TRIM71: variants seen among roughly 807,000 people sequenced by gnomAD.
The protein encoded by TRIM71 is E3 ubiquitin-protein ligase TRIM71.
A neutral mutation model predicts 61.2 loss-of-function variants in TRIM71; 9 were observed. The ratio of observed to expected loss-of-function variants is 0.15; its 90% confidence interval spans 0.09 to 0.26. The LOEUF is 0.26. TRIM71 is among the 10% of genes least tolerant of loss of function. The pLI is 1.00. For synonymous variants in TRIM71, 645 were observed against 553.2 expected (o/e 1.17, Z -2.33); for missense variants, 998 against 1,238.7 (o/e 0.81, Z 2.92).
Position 32,896,843 on chromosome 3 carries a change from G to A in TRIM71, c.*5032G>A, listed in dbSNP as rs1559553668. On this transcript the variant is annotated 3_prime_UTR_variant, in exon 4 of 4. Coordinates refer to ENST00000383763, the MANE Select transcript of TRIM71 (RefSeq NM_001039111.3). Reference sequence around the variant, plus strand: ...ACTGAATGTTGATGTGTGTAGCAAAGTGTTTACTTTCTTTAAATAACCAGC... The same window carrying A: ...ACTGAATGTTGATGTGTGTAGCAAAATGTTTACTTTCTTTAAATAACCAGC... The A allele has an allele frequency of 6.6e-6, 1 of 152,190 alleles. No homozygotes were observed. The highest frequency in any genetic ancestry group is 1.5e-5 in the Non-Finnish European group (1 of 68,038). 9.4% of individuals were successfully genotyped at this position (152,190 alleles called of 1,614,324 possible). A position where few individuals can be genotyped will look rare whatever the true frequency, so the allele number is the denominator to read the frequency against.
chr3:32,860,101 C>T (rs1465326362), intron 1 of TRIM71, among the ~76,000 whole-genome samples: 1 of 145,798 alleles, frequency 6.9e-6, no homozygotes, highest in Non-Finnish European at 1.5e-5. Context: ...CTCCCCTCTT[C>T]TCTCCCCTTC....
intron 2 of TRIM71, among the ~76,000 whole-genome samples, chr3:32,880,024 G>A (rs1696891610): frequency 6.6e-6 from 1 of 151,836 alleles, no homozygotes; most frequent in South Asian, 2.1e-4. Context: ...ATAAAATGAG[G>A]TATGGCTATA....
chr3:32,860,094 C>G (rs1696649050), intron 1 of TRIM71, among the ~76,000 whole-genome samples: 1 of 148,930 alleles, frequency 6.7e-6, no homozygotes, highest in Non-Finnish European at 1.5e-5. Context: ...TTCTCTCCTC[C>G]CCTCTTCTCT....
At position 32,837,482 on chromosome 3, in the gene TRIM71, G is replaced by A. The variant is rs117565305; in HGVS notation, c.852+18550G>A. 2.4e-4 allele frequency among the ~76,000 whole-genome samples: 36 copies of A among 152,278 alleles called. 2 individuals are homozygous for A. In the East Asian group the frequency reaches 6.9e-3, roughly 29 times the overall value. The stretch of plus-strand genomic sequence containing the variant: ...ATCTCTAATGATGGAAAGTTGCAAT[G>A]TCTTGATGTCCTGGCTTACTACTGA... On this transcript the variant is annotated intron_variant, in intron 1 of 3. Transcript: ENST00000383763.
At chr3:32,884,419 C>T (rs1696938901) in intron 2 of TRIM71, among the ~76,000 whole-genome samples, 1 of 151,824 alleles carries the variant, frequency 6.6e-6, no homozygotes, top group African/African-American at 2.4e-5. Flanking sequence ...CAGAACAGGC[C>T]AGGCGCAGTG....
At chr3:32,865,428 C>T (rs1696721806) in intron 1 of TRIM71, among the ~76,000 whole-genome samples, 1 of 152,122 alleles carries the variant, frequency 6.6e-6, no homozygotes, top group East Asian at 1.9e-4. Context: ...CGAGTTACAC[C>T]ACCCTTTCTC....
intron 1 of TRIM71, among the ~76,000 whole-genome samples, chr3:32,856,317 C>T (rs1374439325): frequency 6.6e-6 from 1 of 151,932 alleles, no homozygotes; most frequent in Admixed American, 6.6e-5. Context: ...GCACCTGGCC[C>T]TCTAATAGTT....
chr3:32,884,312 T>C (rs1696937823), intron 2 of TRIM71, among the ~76,000 whole-genome samples: 1 of 152,148 alleles, frequency 6.6e-6, no homozygotes, highest in Non-Finnish European at 1.5e-5. Flanking sequence ...ATGTGTCAGC[T>C]GTCATCCAGA....
In TRIM71 at chr3:32,818,642, C is replaced by G; in HGVS notation, c.562C>G (p.Pro188Ala). The change falls in exon 1 of 4, where the codon CCG becomes GCG. Residue 188 changes from proline to alanine, a missense_variant. Around this residue, in one of 5 missense-constraint regions of TRIM71, gnomAD observed 527 missense variants for 427.8 expected, o/e 1.23. Transcript: ENST00000383763. The part of the protein sequence containing the change: ...RSAPGGPAAS[P>A]SALLLRRPHG... Reference sequence around the variant, plus strand: ...GGCACCCGGCGGCCCTGCCGCTTCCCCGTCGGCGCTGCTGCTCCGCCGTCC... The same window carrying G: ...GGCACCCGGCGGCCCTGCCGCTTCCGCGTCGGCGCTGCTGCTCCGCCGTCC... 3 of 1,468,010 alleles carry G rather than the reference C, an allele frequency of 2.0e-6. No individual in the cohort carries two copies. Among genetic ancestry groups the G allele is most frequent in the Non-Finnish European group, 1.8e-6 (2 of 1,119,124 alleles). 90.9% of individuals were successfully genotyped at this position (1,468,010 alleles called of 1,614,324 possible). A position where few individuals can be genotyped will look rare whatever the true frequency, so the allele number is the denominator to read the frequency against.
At chr3:32,856,365 C>G (rs577821119) in intron 1 of TRIM71, among the ~76,000 whole-genome samples, 9 of 152,234 alleles carry the variant, frequency 5.9e-5, no homozygotes, top group East Asian at 1.9e-4. Flanking sequence ...CCTGCCCCCC[C>G]ATCCCTACTT....
intron 2 of TRIM71, among the ~76,000 whole-genome samples, chr3:32,875,939 G>T (rs1559548979): frequency 2.6e-5 from 4 of 152,204 alleles, no homozygotes; most frequent in Admixed American, 1.3e-4. Flanking sequence ...ACATTCCCAT[G>T]CATGATACTG....
chr3:32,851,614 G>T (rs1282391930), intron 1 of TRIM71, among the ~76,000 whole-genome samples: 2 of 152,082 alleles, frequency 1.3e-5, no homozygotes, highest in African/African-American at 4.8e-5. Context: ...GAGTAGCTGG[G>T]ATTACAAGTG....
Position 32,892,997 on chromosome 3 carries a change from A to G in TRIM71, c.*1186A>G, listed in dbSNP as rs1292740279. ...GCTAGGGGTTTCTTTTCCTAAGAAG[A>G]GTAGGCAAAGGAAAGAACTTTTATT... is the stretch of plus-strand genomic sequence containing the variant. On this transcript the variant is annotated 3_prime_UTR_variant, in exon 4 of 4. Transcript: ENST00000383763. 1 of 152,220 alleles carries G rather than the reference A, an allele frequency of 6.6e-6. No homozygotes were observed. The highest frequency in any genetic ancestry group is 1.5e-5 in the Non-Finnish European group (1 of 68,044). The allele number at this position is 152,220 out of a possible 1,614,324, so 9.4% of individuals were successfully genotyped here. A position where few individuals can be genotyped will look rare whatever the true frequency, so the allele number is the denominator to read the frequency against.
chr3:32,880,907 A>G (rs546287313), intron 2 of TRIM71, among the ~76,000 whole-genome samples: 8 of 152,326 alleles, frequency 5.3e-5, no homozygotes, highest in African/African-American at 1.9e-4. Flanking sequence ...GATGCCATTA[A>G]TTGTAAGGTG....
intron 1 of TRIM71, among the ~76,000 whole-genome samples, chr3:32,833,318 A>T (rs919423422): frequency 6.6e-6 from 1 of 152,038 alleles, no homozygotes; most frequent in Non-Finnish European, 1.5e-5. Flanking sequence ...AACTGACTGG[A>T]ATTTCTATGA....
chr3:32,827,397 G>A (rs1696215654), intron 1 of TRIM71, among the ~76,000 whole-genome samples: 1 of 151,372 alleles, frequency 6.6e-6, no homozygotes, highest in African/African-American at 2.4e-5. Flanking sequence ...CGAGTAGCTG[G>A]GATCACAGGC....
rs763782745 is a variant in TRIM71, at chr3:32,891,116, G to A, written c.1912G>A (p.Ala638Thr). Reference protein sequence around the residue: ...NRIQVFKPCGAFHHKFGTLGS... With the variant: ...NRIQVFKPCGTFHHKFGTLGS... ...CATCCAGGTGTTCAAGCCCTGCGGC[G>A]CCTTCCACCACAAATTCGGCACCCT... Residue 638 changes from alanine to threonine, a missense_variant, in exon 4 of 4, where the codon GCC (alanine) becomes ACC (threonine). Around this residue, in one of 5 missense-constraint regions of TRIM71, gnomAD observed 83 missense variants for 202.7 expected, o/e 0.41. Coordinates refer to ENST00000383763, the MANE Select transcript of TRIM71 (RefSeq NM_001039111.3). The surrounding 1 kb of genome is among the most constrained non-coding windows in gnomAD (Gnocchi z 8.2). 5 of 1,611,512 alleles carry A rather than the reference G, an allele frequency of 3.1e-6. No homozygotes were observed. The highest frequency in any genetic ancestry group is 2.7e-5 in the African/African-American group (2 of 74,900).
At chr3:32,821,219 C>G (rs1182966708) in intron 1 of TRIM71, among the ~76,000 whole-genome samples, 1 of 152,184 alleles carries the variant, frequency 6.6e-6, no homozygotes, top group Non-Finnish European at 1.5e-5. Context: ...GATAGACTGA[C>G]CCATATCTGG....
At chr3:32,863,096 G>A (rs1696691829) in intron 1 of TRIM71, among the ~76,000 whole-genome samples, 1 of 151,924 alleles carries the variant, frequency 6.6e-6, no homozygotes, top group Non-Finnish European at 1.5e-5. Flanking sequence ...GAAGAGTGCT[G>A]CGCTGTGGCC....
Sources: gnomAD v4.1 joint callset for allele counts (sites outside exome capture counted in the v4.1 genomes callset) on GRCh38, gnomAD v4.1.1 for gene constraint, gnomAD v4.1.1 regional missense constraint, Gnocchi (gnomAD v3.1) non-coding constraint, MANE v1.5 for transcripts, NCBI Gene and HGNC (gene_info 2026-07-23, HGNC 2026-07-21) for gene names.